Variants in CSF2RA observed in about 807,000 individuals in gnomAD.
The protein encoded by CSF2RA is colony stimulating factor 2 receptor subunit alpha.
Under a neutral mutation model 51.6 loss-of-function variants are expected in CSF2RA, and 42 were observed. The observed-to-expected ratio is 0.81, with a 90% CI of 0.64 to 1.05. The LOEUF (loss-of-function observed/expected upper bound fraction) is 1.05, where lower values mean the gene tolerates loss of function less well. Among genes scored for constraint, CSF2RA ranks in the 50% least tolerant of loss-of-function variants. The probability of loss-of-function intolerance (pLI) is 0.00; values close to 1 mark genes in which losing one functional copy is unlikely to be tolerated. For missense variants in CSF2RA, 530 were observed against 501.1 expected (o/e 1.06, Z -0.55); for synonymous variants, 222 against 193.0 (o/e 1.15, Z -1.24).
At chrX:1,280,961 C>T (rs756072554) in intron 2 of CSF2RA, among the ~76,000 whole-genome samples, 18 of 69,666 alleles carry the variant, frequency 2.6e-4, no homozygotes, top group South Asian at 6.6e-4. Context: ...TCCTCCTCCT[C>T]CTTCTCCTCC....
the CSF2RA span, among the ~76,000 whole-genome samples, chrX:1,316,846 T>G: frequency 1.3e-5 from 2 of 152,248 alleles, no homozygotes; most frequent in South Asian, 4.1e-4. Flanking sequence ...ACAGAGGCGT[T>G]GAGGGCGTGG....
Position 1,294,136 on chromosome X carries a change from T to A in CSF2RA, c.647-192T>A, listed in dbSNP as rs113843011. The A allele has an allele frequency of 2.8e-5, 20 of 709,172 alleles. No homozygotes were observed. The East Asian group carries it at 5.2e-4, about 18-fold the overall frequency. 43.9% of individuals were successfully genotyped at this position (709,172 alleles called of 1,614,324 possible). A position where few individuals can be genotyped will look rare whatever the true frequency, so the allele number is the denominator to read the frequency against. On this transcript the variant is annotated intron_variant, in intron 7 of 12. Transcript: ENST00000381529. ...GTAGACAGGAGGAGACCCTGCCCCA[T>A]CTCCACCTGGACCCAGTGTAGTCAA...
chrX:1,320,499 C>CTTT, the CSF2RA span, among the ~76,000 whole-genome samples: 5 of 139,470 alleles, frequency 3.6e-5, no homozygotes, highest in African/African-American at 1.3e-4. Flanking sequence ...GCCAATGTGG[C>CTTT]TTTTTTTTTT....
chrX:1,284,895 G>C (rs1220773351), intron 3 of CSF2RA, among the ~76,000 whole-genome samples: 1 of 151,908 alleles, frequency 6.6e-6, no homozygotes, highest in South Asian at 2.1e-4. Context: ...TCGAACTGCT[G>C]ACCTCAGGTG....
At chrX:1,280,667 T>G (rs759862775) in intron 2 of CSF2RA, among the ~76,000 whole-genome samples, 94 of 139,028 alleles carry the variant, frequency 6.8e-4, no homozygotes, top group Admixed American at 2.8e-3. Flanking sequence ...CTTCCTCCTC[T>G]TCCTCCTCCT....
chrX:1,315,902 T>C, the CSF2RA span, among the ~76,000 whole-genome samples: 5 of 151,858 alleles, frequency 3.3e-5, no homozygotes, highest in East Asian at 1.9e-4. Context: ...AGATGGATAA[T>C]AGATGATGGA....
intron 12 of CSF2RA, among the ~76,000 whole-genome samples, chrX:1,307,363 C>T (rs2083685327): frequency 6.6e-6 from 1 of 151,248 alleles, no homozygotes; most frequent in African/African-American, 2.4e-5. Context: ...TTTACACCTT[C>T]GACTGATTAG....
At chrX:1,314,368 G>A (rs780530265), downstream of CSF2RA, among the ~76,000 whole-genome samples, 1 of 146,660 alleles carries the variant, frequency 6.8e-6, no homozygotes, top group African/African-American at 2.6e-5. Context: ...CACTGCATCT[G>A]CCCAACCACT....
intron 7 of CSF2RA, among the ~76,000 whole-genome samples, chrX:1,291,827 G>A (rs1395050128): frequency 1.3e-5 from 2 of 149,594 alleles, no homozygotes; most frequent in East Asian, 4.0e-4. Context: ...AGTGTAGACA[G>A]GAGGAGACTG....
chrX:1,299,350 G>T (rs28472712), intron 9 of CSF2RA, among the ~76,000 whole-genome samples: 1 of 152,102 alleles, frequency 6.6e-6, no homozygotes. Context: ...TAGACTTGGG[G>T]ATCTTAATAT....
At chrX:1,273,901 A>G (rs1438620326) in intron 1 of CSF2RA, among the ~76,000 whole-genome samples, 1 of 151,844 alleles carries the variant, frequency 6.6e-6, no homozygotes, top group African/African-American at 2.4e-5. Flanking sequence ...CCCGGCATGA[A>G]AGGGTTTTTC....
chrX:1,322,387 C>T, the CSF2RA span, among the ~76,000 whole-genome samples: 1 of 150,124 alleles, frequency 6.7e-6, no homozygotes, highest in Non-Finnish European at 1.5e-5. Flanking sequence ...GCTGGGATTA[C>T]AGGCATCAGT....
chrX:1,323,796 T>C, the CSF2RA span, among the ~76,000 whole-genome samples: 3,432 of 150,474 alleles, frequency 0.023, 39 homozygotes, highest in South Asian at 0.04. Flanking sequence ...GGGCAGATCA[T>C]GAGGTCAGGA....
chrX:1,272,748 C>T (rs1341788368), intron 1 of CSF2RA, among the ~76,000 whole-genome samples: 1 of 151,542 alleles, frequency 6.6e-6, no homozygotes, highest in Non-Finnish European at 1.5e-5. Flanking sequence ...TCCTCGGCCT[C>T]CCAAAGTGCT....
At chrX:1,281,082 T>C (rs2089962877) in intron 2 of CSF2RA, among the ~76,000 whole-genome samples, 7 of 71,112 alleles carry the variant, frequency 9.8e-5, no homozygotes, top group Non-Finnish European at 5.8e-5. Context: ...CTCCTCCTCC[T>C]TCTCCTCCTG....
intron 4 of CSF2RA, among the ~76,000 whole-genome samples, chrX:1,286,208 A>G (rs1176138514): frequency 7.9e-5 from 12 of 151,802 alleles, no homozygotes; most frequent in Admixed American, 3.9e-4. Flanking sequence ...GGGAGGTGGA[A>G]GTTGCAGTGA....
At chrX:1,282,546 CCCTCATTTGA>C in intron 2 of CSF2RA, 122 bp from the exon 3 acceptor site, 1 of 759,438 alleles carries the variant, frequency 1.3e-6, no homozygotes, top group Non-Finnish European at 2.4e-6. Context: ...TGGCCATGAC[CCCTCATTTGA>C]CCAGGTCAGC....
chrX:1,304,644 G>GGT (rs2083362200), intron 11 of CSF2RA, among the ~76,000 whole-genome samples: 1 of 117,116 alleles, frequency 8.5e-6, no homozygotes, highest in Admixed American at 9.4e-5. Flanking sequence ...TTGGAGGTGG[G>GGT]TTTTTTTTTG....
chrX:1,301,331 CAAAAAA>C lies in CSF2RA; in HGVS notation c.946+723_946+728del, dbSNP rs1156943650. ...TGGGTGACAGAGTGAGACTCTGTCT[CAAAAAA>C]AAAAAAAAAAAAAAAAAGAAAAAGT... is the stretch of plus-strand genomic sequence containing the variant. On this transcript the variant is annotated intron_variant, in intron 10 of 12. Transcript: ENST00000381529. Among the ~76,000 whole-genome samples the C allele has an allele frequency of 3.7e-4, 23 of 62,706 alleles. No homozygotes were observed. The East Asian group carries it at 7.8e-3, about 21-fold the overall frequency. The allele number at this position is 62,706 out of a possible 152,430, so 41.1% of individuals were successfully genotyped here. A position where few individuals can be genotyped will look rare whatever the true frequency, so the allele number is the denominator to read the frequency against.
Sources: allele counts gnomAD v4.1 joint callset (sites outside exome capture counted in the v4.1 genomes callset), GRCh38; gene constraint gnomAD v4.1.1; transcripts MANE v1.5; gene names NCBI Gene and HGNC (gene_info 2026-07-23, HGNC 2026-07-21).